Variants in GDAP2 observed in about 807,000 individuals in gnomAD.
GDAP2 encodes the protein ganglioside induced differentiation associated protein 2.
GDAP2 carries 51 observed loss-of-function variants against 67.0 expected under a neutral mutation model. The observed-to-expected ratio is 0.76, with a 90% CI of 0.61 to 0.96. GDAP2 has a LOEUF of 0.96. GDAP2 is among the 40% of genes least tolerant of loss of function. The probability of loss-of-function intolerance (pLI) is 0.00; values close to 1 mark genes in which losing one functional copy is unlikely to be tolerated. For missense variants in GDAP2, 547 were observed against 588.3 expected, an observed-to-expected ratio of 0.93 and a Z score of 0.73; for synonymous variants, 203 against 207.3, an observed-to-expected ratio of 0.98 and a Z score of 0.18.
intron 1 of GDAP2, among the ~76,000 whole-genome samples, chr1:117,922,043 GT>G (rs202156989): frequency 0.016 from 2,423 of 151,192 alleles, 24 homozygotes; most frequent in South Asian, 0.042. Flanking sequence ...ATAACCAATG[GT>G]TTTTTTTTCT....
chr1:117,909,387 GA>G (rs944898298), intron 5 of GDAP2, among the ~76,000 whole-genome samples: 10 of 149,580 alleles, frequency 6.7e-5, no homozygotes, highest in Admixed American at 4.7e-4. Flanking sequence ...CATGAACTAA[GA>G]AAAAAAAAGC....
chr1:117,883,253 G>T (rs1256814072), intron 11 of GDAP2: 2 of 398,282 alleles, frequency 5.0e-6, no homozygotes, highest in African/African-American at 4.1e-5. Context: ...TAGTATTTTT[G>T]TTATTTTATC....
chr1:117,888,737 G>A (rs1439983045), intron 8 of GDAP2, among the ~76,000 whole-genome samples: 1 of 152,036 alleles, frequency 6.6e-6, no homozygotes, highest in African/African-American at 2.4e-5. Context: ...ACTAGGAGAG[G>A]GGAGATTTGG....
rs3767823 is a variant in GDAP2 at position 117,871,459 on chromosome 1, A to C, written c.1447-843T>G. Among the ~76,000 whole-genome samples the C allele has an allele frequency of 5.8e-3, 890 of 152,352 alleles. 5 individuals are homozygous for C. Among genetic ancestry groups the C allele is most frequent in the East Asian group, 0.032 (168 of 5,186 alleles). On this transcript the variant is annotated intron_variant, in intron 13 of 13. Coordinates refer to ENST00000369443, the MANE Select transcript of GDAP2 (RefSeq NM_017686.4). ...AGAATTTGTTTTTCAGCAAATCACAAACAGATAATGCTTAGCACTAGTATA... is the reference window on the plus strand; with the variant it reads ...AGAATTTGTTTTTCAGCAAATCACACACAGATAATGCTTAGCACTAGTATA...
At chr1:117,871,227 TTCAAGA>T (rs762091193) in intron 13 of GDAP2, among the ~76,000 whole-genome samples, 22 of 152,278 alleles carry the variant, frequency 1.4e-4, no homozygotes, top group Non-Finnish European at 2.4e-4. Context: ...GGAAATTTAG[TTCAAGA>T]TCAAGATGGA....
chr1:117,918,632 C>A lies in GDAP2; in HGVS notation c.281G>T (p.Gly94Val), dbSNP rs1650131133. The A allele has an allele frequency of 6.2e-7, 1 of 1,610,216 alleles. No homozygotes were observed. The change falls in exon 3 of 14, where the codon GGG becomes GTG. Residue 94 changes from glycine (G) to valine (V), a missense_variant. Gly to Val is a moderately radical substitution (Grantham distance 109). Transcript: ENST00000369443. ...PVSESIFMLAGPDLKEDLQKL... is the reference protein window; with the variant it reads ...PVSESIFMLAVPDLKEDLQKL... Reference sequence around the variant, plus strand: ...CTGGAGATCTTCCTTCAAATCAGGCCCTGCAAGCATGAAGATACTTTCTGA... The same window carrying A: ...CTGGAGATCTTCCTTCAAATCAGGCACTGCAAGCATGAAGATACTTTCTGA...
intron 13 of GDAP2, among the ~76,000 whole-genome samples, chr1:117,874,229 G>C (rs550600055): frequency 6.6e-6 from 1 of 152,174 alleles, no homozygotes; most frequent in Non-Finnish European, 1.5e-5. Flanking sequence ...CTAGTCGGAG[G>C]TGTTTGGGTC....
At chr1:117,901,660 C>T (rs1017504417) in intron 6 of GDAP2, among the ~76,000 whole-genome samples, 4 of 152,060 alleles carry the variant, frequency 2.6e-5, no homozygotes, top group Non-Finnish European at 5.9e-5. Flanking sequence ...TGTGTATCTT[C>T]TTCAAATAAA....
chr1:117,892,224 A>T (rs961033816), intron 8 of GDAP2, among the ~76,000 whole-genome samples: 3 of 152,100 alleles, frequency 2.0e-5, no homozygotes, highest in African/African-American at 7.2e-5. Context: ...TCATTATTTT[A>T]AAAAAATCAC....
At chr1:117,916,927 G>A (rs924182751) in intron 3 of GDAP2, among the ~76,000 whole-genome samples, 4 of 151,898 alleles carry the variant, frequency 2.6e-5, no homozygotes, top group Non-Finnish European at 5.9e-5. Context: ...CCAGCTACTC[G>A]GGAAGCTGAG....
In GDAP2 at chr1:117,870,454, G is replaced by T; in HGVS notation, c.*115C>A. 1.4e-6 allele frequency: 1 copy of T among 734,674 alleles called. No individual in the cohort carries two copies. The highest frequency in any genetic ancestry group is 2.4e-6 in the Non-Finnish European group (1 of 411,486). The allele number at this position is 734,674 out of a possible 1,614,324, so 45.5% of individuals were successfully genotyped here. ...CAGTCAATAAAAAAATACCAGAGAG[G>T]TGGGGACAAAAGGCTCTCTGGATCT... On this transcript the variant is annotated 3_prime_UTR_variant, in exon 14 of 14. Transcript: ENST00000369443.
chr1:117,899,914 CA>C (rs1197228286), intron 6 of GDAP2, among the ~76,000 whole-genome samples: 2 of 151,942 alleles, frequency 1.3e-5, no homozygotes, highest in African/African-American at 2.4e-5. Flanking sequence ...AAAATAGTAA[CA>C]AAAAAATTAT....
intron 1 of GDAP2, among the ~76,000 whole-genome samples, chr1:117,921,384 C>T (rs1202504236): frequency 6.6e-6 from 1 of 152,102 alleles, no homozygotes; most frequent in African/African-American, 2.4e-5. Context: ...GATAAAGAAA[C>T]AAGCGGGTAT....
At position 117,886,592 on chromosome 1, in the gene GDAP2, T is replaced by C. The variant is rs542260727; in HGVS notation, c.1092A>G (p.Leu364=). 4 of 1,549,528 alleles carry C rather than the reference T, an allele frequency of 2.6e-6. No homozygotes were observed. In the Admixed American group the frequency reaches 6.7e-5, roughly 26 times the overall value. The change falls in exon 10 of 14, where the codon TTA becomes TTG. Residue 364 remains leucine, a synonymous_variant. Coordinates refer to ENST00000369443, the MANE Select transcript of GDAP2 (RefSeq NM_017686.4). ...TATGGCTTACCTTGTCCATATCTAT[T>C]AATGTTACAGGAATGTTTCTTCCAA... The part of the protein sequence containing the change: ...VVVGRNIPVT[L]IDMDKALLYF...
intron 6 of GDAP2, among the ~76,000 whole-genome samples, chr1:117,904,582 T>C (rs1347328901): frequency 6.6e-6 from 1 of 152,218 alleles, no homozygotes; most frequent in African/African-American, 2.4e-5. Flanking sequence ...TTCCCAGGTA[T>C]ACTGAGGGCA....
intron 1 of GDAP2, among the ~76,000 whole-genome samples, chr1:117,927,568 A>G (rs574876607): frequency 6.6e-6 from 1 of 152,292 alleles, no homozygotes; most frequent in Admixed American, 6.5e-5. Context: ...TTGTATTTCA[A>G]TATTTAACAG....
At chr1:117,877,941 G>A (rs768460682) in intron 13 of GDAP2, 68 bp downstream of exon 13, 9 of 1,543,402 alleles carry the variant, frequency 5.8e-6, no homozygotes, top group Middle Eastern at 1.7e-4. Flanking sequence ...TGTTGTGCTC[G>A]TAAGTGCTGC....
At chr1:117,927,223 T>C (rs907982598) in intron 1 of GDAP2, among the ~76,000 whole-genome samples, 1 of 152,164 alleles carries the variant, frequency 6.6e-6, no homozygotes, top group Non-Finnish European at 1.5e-5. Flanking sequence ...TAACTTGTTT[T>C]TTTTTTCCTC....
intron 3 of GDAP2, among the ~76,000 whole-genome samples, chr1:117,914,523 A>G (rs941040981): frequency 1.3e-4 from 20 of 152,100 alleles, no homozygotes; most frequent in Non-Finnish European, 2.9e-5. Flanking sequence ...AAGGAAGGAA[A>G]TTATTAATGA....
Sources: gnomAD v4.1 joint callset for allele counts (sites outside exome capture counted in the v4.1 genomes callset) on GRCh38, gnomAD v4.1.1 for gene constraint, MANE v1.5 for transcripts, NCBI Gene and HGNC (gene_info 2026-07-23, HGNC 2026-07-21) for gene names.